Variants in CCDC141 observed in about 807,000 individuals in gnomAD.
CCDC141 encodes coiled-coil domain containing 141, also known as coiled-coil domain-containing protein 141.
Under a neutral mutation model 181.0 loss-of-function variants are expected in CCDC141, and 168 were observed. The ratio of observed to expected loss-of-function variants is 0.93; its 90% CI spans 0.82 to 1.05. The LOEUF (loss-of-function observed/expected upper bound fraction) is 1.05, where lower values mean the gene tolerates loss of function less well. CCDC141 is among the 50% of genes least tolerant of loss of function. CCDC141 has a pLI of 0.00. For synonymous variants in CCDC141, 666 were observed against 642.3 expected (o/e 1.04, Z -0.56); for missense variants, 1,902 against 1,788.5 (o/e 1.06, Z -1.14).
intron 22 of CCDC141, among the ~76,000 whole-genome samples, chr2:178,840,544 T>C (rs1333370316): frequency 6.6e-5 from 10 of 152,320 alleles, no homozygotes; most frequent in Middle Eastern, 3.4e-3. Context: ...TCTGTCTCTA[T>C]GAGGCCCTCA....
At chr2:178,961,126 A>G in intron 5 of CCDC141, 104 bp downstream of exon 5, 1 of 1,304,024 alleles carries the variant, frequency 7.7e-7, no homozygotes, top group South Asian at 1.6e-5. Context: ...CAAAGACCAA[A>G]AGATTTGACC....
At chr2:179,045,105 C>A (rs2043447783) in intron 2 of CCDC141, among the ~76,000 whole-genome samples, 1 of 150,588 alleles carries the variant, frequency 6.6e-6, no homozygotes, top group Non-Finnish European at 1.5e-5. Flanking sequence ...TGGTGCACTG[C>A]ACCCACTAAC....
At chr2:178,856,042 A>T (rs1054808668) in intron 18 of CCDC141, among the ~76,000 whole-genome samples, 3 of 152,172 alleles carry the variant, frequency 2.0e-5, no homozygotes, top group Non-Finnish European at 4.4e-5. Flanking sequence ...TTTGGCAGAA[A>T]CCATTCTGGA....
At chr2:178,985,737 G>A (rs1253786626) in intron 2 of CCDC141, among the ~76,000 whole-genome samples, 9 of 152,054 alleles carry the variant, frequency 5.9e-5, no homozygotes, top group African/African-American at 9.7e-5. Flanking sequence ...TAAATTCCTC[G>A]ACACATACAC....
chr2:178,927,938 T>C (rs1688969745), intron 6 of CCDC141, among the ~76,000 whole-genome samples: 1 of 152,070 alleles, frequency 6.6e-6, no homozygotes, highest in Admixed American at 6.6e-5. Flanking sequence ...GGCTCCATAG[T>C]GGTTGAGAAT....
At chr2:178,946,309 T>C (rs932038345) in intron 5 of CCDC141, among the ~76,000 whole-genome samples, 6 of 152,122 alleles carry the variant, frequency 3.9e-5, no homozygotes, top group African/African-American at 1.4e-4. Context: ...ACAGAGAATA[T>C]TTTATCAACA....
chr2:178,888,690 T>C, intron 8 of CCDC141, 22 bp from the exon 9 acceptor site: 2 of 1,550,052 alleles, frequency 1.3e-6, no homozygotes, highest in Non-Finnish European at 8.7e-7. Flanking sequence ...AAGCCAGCTG[T>C]TAATTCACTC....
intron 6 of CCDC141, among the ~76,000 whole-genome samples, chr2:178,935,288 A>G (rs1246866699): frequency 6.6e-6 from 1 of 151,976 alleles, no homozygotes; most frequent in East Asian, 1.9e-4. Context: ...CTCCACCCTC[A>G]AGAAGACCCC....
At chr2:179,030,517 A>G (rs2042973351) in intron 2 of CCDC141, among the ~76,000 whole-genome samples, 2 of 152,082 alleles carry the variant, frequency 1.3e-5, no homozygotes, top group South Asian at 4.1e-4. Flanking sequence ...TATTAGTGAA[A>G]TGTGCATTAA....
At chr2:178,882,580 T>A (rs577977687) in intron 11 of CCDC141, among the ~76,000 whole-genome samples, 2 of 152,068 alleles carry the variant, frequency 1.3e-5, no homozygotes, top group Admixed American at 6.5e-5. Context: ...CTCAATGGCT[T>A]CATTTTTTTT....
intron 18 of CCDC141, among the ~76,000 whole-genome samples, chr2:178,856,018 G>A (rs866441998): frequency 1.3e-5 from 2 of 152,188 alleles, no homozygotes; most frequent in African/African-American, 4.8e-5. Context: ...AAGAATGGAA[G>A]TAGACAGGTT....
rs76645685 is a variant in CCDC141, at chr2:178,911,612, C to T, written c.1093-6111G>A. Among the ~76,000 whole-genome samples the T allele has an allele frequency of 2.4e-3, 368 of 152,270 alleles. 3 individuals are homozygous for T. The highest frequency in any genetic ancestry group is 8.6e-3 in the African/African-American group (356 of 41,550). On this transcript the variant is annotated intron_variant, in intron 7 of 23. Transcript: ENST00000443758. The stretch of plus-strand genomic sequence containing the variant: ...TAAGAACTTTTATTATTGAATGAGA[C>T]TCTCTGAAGTAGATGAGGAATATTA...
chr2:179,043,631 C>T (rs1274423698), intron 2 of CCDC141, among the ~76,000 whole-genome samples: 1 of 152,186 alleles, frequency 6.6e-6, no homozygotes, highest in Non-Finnish European at 1.5e-5. Context: ...AACATCCCTT[C>T]ATGTTAAAAA....
rs781531490 is a variant in CCDC141, at chr2:178,885,138, T to A, written c.1528-46A>T. 1.0e-5 allele frequency: 14 copies of A among 1,349,070 alleles called. 1 individual carries two copies. Among genetic ancestry groups the A allele is most frequent in the Non-Finnish European group, 1.4e-5 (14 of 980,214 alleles). The allele number at this position is 1,349,070 out of a possible 1,614,324, so 83.6% of individuals were successfully genotyped here. On this transcript the variant is annotated intron_variant, in intron 10 of 23. Coordinates refer to ENST00000443758, the MANE Select transcript of CCDC141 (RefSeq NM_173648.4). ...AGGTCAGAAACTGACAGGGGAATCA[T>A]GAACATTCACGTTTCATTATCTTCT...
intron 5 of CCDC141, among the ~76,000 whole-genome samples, chr2:178,946,333 T>C (rs1689731943): frequency 6.6e-6 from 1 of 152,188 alleles, no homozygotes. Context: ...ATAAAATTTA[T>C]TATTTTATTT....
intron 4 of CCDC141, among the ~76,000 whole-genome samples, chr2:178,966,672 C>T (rs1690647741): frequency 6.6e-6 from 1 of 151,986 alleles, no homozygotes; most frequent in African/African-American, 2.4e-5. Flanking sequence ...CTGAAAATTC[C>T]AAAAACCCGA....
In CCDC141 at chr2:178,938,720, C is replaced by T. The variant is rs1019020364; in HGVS notation, c.897+5815G>A. ...TTGAAGTCTCCCACTATTATTGTCA[C>T]AAATATTTTCTAATTGAATTTTCAA... On this transcript the variant is annotated intron_variant, in intron 6 of 23. Transcript: ENST00000443758. 1.2e-4 allele frequency among the ~76,000 whole-genome samples: 18 copies of T among 151,954 alleles called. 1 individual carries two copies. The highest frequency in any genetic ancestry group is 1.2e-3 in the Admixed American group (18 of 15,230).
intron 2 of CCDC141, among the ~76,000 whole-genome samples, chr2:179,015,623 A>ATG (rs2042493251): frequency 7.2e-6 from 1 of 138,468 alleles, no homozygotes; most frequent in Non-Finnish European, 1.5e-5. Context: ...TAGCTCATAT[A>ATG]TATCTCACAT....
intron 5 of CCDC141, among the ~76,000 whole-genome samples, chr2:178,946,038 A>G (rs1689719011): frequency 6.6e-6 from 1 of 152,196 alleles, no homozygotes; most frequent in Non-Finnish European, 1.5e-5. Flanking sequence ...CTTTCTGCTA[A>G]TTGGAAATGT....
Sources: gnomAD v4.1 joint callset for allele counts (sites outside exome capture counted in the v4.1 genomes callset) on GRCh38, gnomAD v4.1.1 for gene constraint, MANE v1.5 for transcripts, NCBI Gene and HGNC (gene_info 2026-07-23, HGNC 2026-07-21) for gene names.